HDLBP: variants seen among roughly 807,000 people sequenced by gnomAD.
HDLBP encodes high density lipoprotein binding protein, also known as vigilin.
HDLBP carries 30 observed loss-of-function variants against 137.3 expected under a neutral mutation model. That is an observed-to-expected ratio of 0.22 (90% CI 0.16 to 0.30). The LOEUF (loss-of-function observed/expected upper bound fraction) is 0.30. HDLBP is among the 10% of genes least tolerant of loss of function. HDLBP has a pLI of 1.00. For synonymous variants in HDLBP, 606 were observed against 596.0 expected (o/e 1.02, Z -0.24); for missense variants, 1,119 against 1,667.3 (o/e 0.67, Z 5.73).
chr2:241,234,475 C>T (rs939078132), intron 23 of HDLBP, among the ~76,000 whole-genome samples: 7 of 152,318 alleles, frequency 4.6e-5, no homozygotes, highest in Middle Eastern at 3.4e-3. Flanking sequence ...GTGAGGTTCA[C>T]GAGCTCCACC....
intron 1 of HDLBP, among the ~76,000 whole-genome samples, chr2:241,301,797 A>C (rs2075404402): frequency 6.6e-6 from 1 of 152,032 alleles, no homozygotes; most frequent in Admixed American, 6.6e-5. Context: ...TTTCAAGAAA[A>C]AGATTTAAGG....
chr2:241,242,878 G>A (rs1005966766), intron 16 of HDLBP, 200 bp from the exon 17 acceptor site: 20 of 593,822 alleles, frequency 3.4e-5, no homozygotes, highest in Admixed American at 1.1e-4. Context: ...TGGGGAGAGT[G>A]GGGTGCGCCC....
At position 241,233,055 on chromosome 2, in the gene HDLBP, GAGGGGCTCTGCTGCC is replaced by G. The variant is rs758858247; in HGVS notation, c.3288+750_3288+764del. Among the ~76,000 whole-genome samples the G allele has an allele frequency of 8.9e-4, 136 of 152,254 alleles. No homozygotes were observed. Among genetic ancestry groups the G allele is most frequent in the Non-Finnish European group, 1.2e-3 (81 of 68,024 alleles). ...ATCCACAGTGGGAGCGAGGGGCGTGGAGGGGCTCTGCTGCCAGGGGGTTTGCTGTTTCTGGAAACC... is the reference window on the plus strand; with the variant it reads ...ATCCACAGTGGGAGCGAGGGGCGTGGAGGGGGTTTGCTGTTTCTGGAAACC... On this transcript the variant is annotated intron_variant, in intron 24 of 27. Transcript: ENST00000310931. The surrounding 1 kb of genome is among the most constrained non-coding windows in gnomAD (Gnocchi z 4.3).
intron 3 of HDLBP, 57 bp from the exon 4 acceptor site, chr2:241,264,662 C>T (rs867959214): frequency 1.3e-6 from 2 of 1,552,866 alleles, no homozygotes; most frequent in Non-Finnish European, 1.8e-6. Flanking sequence ...ACATGAAAAA[C>T]ACTTTTAAGG....
rs747743797 is a variant in HDLBP at position 241,248,233 on chromosome 2, G to A, written c.1617+11C>T. The A allele has an allele frequency of 1.9e-6, 3 of 1,604,696 alleles. No homozygotes were observed. Among genetic ancestry groups the A allele is most frequent in the East Asian group, 4.5e-5 (2 of 44,842 alleles). On this transcript the variant is annotated intron_variant, in intron 13 of 27. Transcript: ENST00000310931. The stretch of plus-strand genomic sequence containing the variant: ...CCTATAGAGTTACAGAATGTCTCTG[G>A]GAAACTTTACCTCTGGGAATTTGTC...
chr2:241,248,692 C>T (rs1176282734), intron 12 of HDLBP, among the ~76,000 whole-genome samples: 3 of 152,154 alleles, frequency 2.0e-5, no homozygotes, highest in Non-Finnish European at 4.4e-5. Context: ...TCTGTTTTAA[C>T]AGGTACTACA....
At chr2:241,253,363 G>C (rs749468352) in intron 10 of HDLBP, 30 bp downstream of exon 10, 1 of 1,435,606 alleles carries the variant, frequency 7.0e-7, no homozygotes, top group South Asian at 1.1e-5. Context: ...CTTGTCACCA[G>C]CACACACAAC....
At chr2:241,291,876 C>T (rs762959840) in intron 1 of HDLBP, among the ~76,000 whole-genome samples, 1 of 152,130 alleles carries the variant, frequency 6.6e-6, no homozygotes, top group African/African-American at 2.4e-5. Context: ...ATGGCTGCCA[C>T]GAGCTGGAAA....
In HDLBP at chr2:241,256,577, C is replaced by T. The variant is rs192253335; in HGVS notation, c.657+23G>A. The T allele has an allele frequency of 1.6e-4, 259 of 1,608,574 alleles. 1 individual carries two copies. In the African/African-American group the frequency reaches 2.8e-3, roughly 17 times the overall value. Reference sequence around the variant, plus strand: ...CTGCACAAGCAGGTAGGCAGGGGCACGAGGCACTCACACAGGCCTCACCTG... The same window carrying T: ...CTGCACAAGCAGGTAGGCAGGGGCATGAGGCACTCACACAGGCCTCACCTG... On this transcript the variant is annotated intron_variant, in intron 6 of 27. Transcript: ENST00000310931.
In HDLBP at chr2:241,253,045, G is replaced by C. The variant is rs1324905349; in HGVS notation, c.1294-10C>G. On this transcript the variant is annotated splice_polypyrimidine_tract_variant and intron_variant, in intron 10 of 27. Transcript: ENST00000310931. Reference sequence around the variant, plus strand: ...AGTCCATCCGGTTAATCTGCAGGAGGAGCACAGAGGTCCATGGATGCGCCT... The same window carrying C: ...AGTCCATCCGGTTAATCTGCAGGAGCAGCACAGAGGTCCATGGATGCGCCT... 1.3e-6 allele frequency: 2 copies of C among 1,594,760 alleles called. No individual in the cohort carries two copies. The highest frequency in any genetic ancestry group is 1.7e-5 in the Admixed American group (1 of 59,834).
intron 14 of HDLBP, 138 bp from the exon 15 acceptor site, chr2:241,247,280 G>A (rs777212737): frequency 3.1e-5 from 20 of 643,482 alleles, no homozygotes; most frequent in Non-Finnish European, 4.5e-5. Context: ...TTGTCATGAG[G>A]GTAAGTGAGA....
At chr2:241,298,252 G>C (rs1477300796) in intron 1 of HDLBP, among the ~76,000 whole-genome samples, 1 of 151,928 alleles carries the variant, frequency 6.6e-6, no homozygotes, top group Non-Finnish European at 1.5e-5. Context: ...TGTAATCTCA[G>C]CTACTCAGGA....
In HDLBP at chr2:241,285,714, T is replaced by TTAATA. The variant is rs531278570; in HGVS notation, c.-102-17174_-102-17173insTATTA. On this transcript the variant is annotated intron_variant, in intron 1 of 27. Coordinates refer to ENST00000310931, the MANE Select transcript of HDLBP (RefSeq NM_005336.6). ...GATATTAAATTTACCACACTGAAAT[T>TTAATA]TCAAGAAAAACAAGTTGCCTTAAAA... 1.3e-4 allele frequency among the ~76,000 whole-genome samples: 20 copies of TTAATA among 152,222 alleles called. No individual in the cohort carries two copies. In the South Asian group the frequency reaches 4.1e-3, roughly 32 times the overall value.
At chr2:241,262,667 C>T (rs535214349) in intron 5 of HDLBP, 44 bp downstream of exon 5, 18 of 1,451,310 alleles carry the variant, frequency 1.2e-5, no homozygotes, top group Admixed American at 1.7e-5. Flanking sequence ...GGTAATGGAA[C>T]GGGTACACAG....
chr2:241,289,063 T>A (rs896329170), intron 1 of HDLBP, among the ~76,000 whole-genome samples: 1 of 152,222 alleles, frequency 6.6e-6, no homozygotes, highest in Non-Finnish European at 1.5e-5. Flanking sequence ...GCTAACGCCA[T>A]GGGTGGAAAA....
At chr2:241,299,035 C>T (rs1339522397) in intron 1 of HDLBP, among the ~76,000 whole-genome samples, 1 of 152,028 alleles carries the variant, frequency 6.6e-6, no homozygotes, top group African/African-American at 2.4e-5. Flanking sequence ...GGCTGTATTG[C>T]GGTTAAGGAG....
In HDLBP at chr2:241,272,351, C is replaced by A. The variant is rs1474026118; in HGVS notation, c.-102-3810G>T. On this transcript the variant is annotated intron_variant, in intron 1 of 27. Coordinates refer to ENST00000310931, the MANE Select transcript of HDLBP (RefSeq NM_005336.6). The surrounding 1 kb of genome is among the most constrained non-coding windows in gnomAD (Gnocchi z 5.6). ...GGGAGGGGAGGGCCGGCCCCGCCAA[C>A]GTCAGCGACCTGGGCTCAGGTCGGC... The A allele has an allele frequency of 3.0e-6, 3 of 984,180 alleles. No homozygotes were observed. The highest frequency in any genetic ancestry group is 1.2e-4 in the Admixed American group (2 of 16,206). The allele number at this position is 984,180 out of a possible 1,614,324, so 61.0% of individuals were successfully genotyped here.
intron 1 of HDLBP, among the ~76,000 whole-genome samples, chr2:241,277,612 T>G (rs537325692): frequency 6.6e-6 from 1 of 152,220 alleles, no homozygotes; most frequent in Non-Finnish European, 1.5e-5. Context: ...CCAAACTGAG[T>G]TAGAAATATA....
rs1193459074 is a variant in HDLBP, at chr2:241,256,333, T to C, written c.724A>G (p.Asn242Asp). Residue 242 changes from asparagine (N) to aspartate (D), a missense_variant, in exon 7 of 28, where the codon AAT (asparagine) becomes GAT (aspartate). Transcript: ENST00000310931. ...AFHPFIAGPY[N>D]RLVGEIMQET... ...TGCATGATCTCGCCAACCAGTCTATTATACGGCCCAGCGATGAAGGGGTGG... is the reference window on the plus strand; with the variant it reads ...TGCATGATCTCGCCAACCAGTCTATCATACGGCCCAGCGATGAAGGGGTGG... 6.2e-7 allele frequency: 1 copy of C among 1,614,150 alleles called. No homozygotes were observed. The highest frequency in any genetic ancestry group is 8.5e-7 in the Non-Finnish European group (1 of 1,180,016).
Sources: allele counts gnomAD v4.1 joint callset (sites outside exome capture counted in the v4.1 genomes callset), GRCh38; gene constraint gnomAD v4.1.1; non-coding constraint Gnocchi (gnomAD v3.1); transcripts MANE v1.5; gene names NCBI Gene and HGNC (gene_info 2026-07-23, HGNC 2026-07-21).